Variants in GPC5 observed in about 807,000 individuals in gnomAD.
GPC5 encodes the protein glypican 5.
In GPC5, 47 loss-of-function variants were observed where a neutral mutation model predicts 53.9. The ratio of observed to expected loss-of-function variants is 0.87; its 90% CI spans 0.69 to 1.11. GPC5 has a LOEUF of 1.11. Ranked by LOEUF, GPC5 falls within the 50% of genes most tolerant of loss-of-function variation. The pLI is 0.00. For missense variants in GPC5, 748 were observed against 713.1 expected (o/e 1.05, Z -0.56); for synonymous variants, 286 against 263.3 (o/e 1.09, Z -0.84).
intron 6 of GPC5, among the ~76,000 whole-genome samples, chr13:92,082,005 TGTGA>T (rs368542072): frequency 6.6e-5 from 10 of 152,094 alleles, no homozygotes; most frequent in South Asian, 4.2e-4. Context: ...TAAGGAGGAA[TGTGA>T]GTGAGTATTT....
At chr13:92,375,432 T>C (rs941242837) in intron 7 of GPC5, among the ~76,000 whole-genome samples, 2 of 152,160 alleles carry the variant, frequency 1.3e-5, no homozygotes, top group Admixed American at 6.6e-5. Context: ...AGCCTTTCAG[T>C]AAAGAAATGC....
At chr13:92,810,724 T>A (rs1877264952) in intron 7 of GPC5, among the ~76,000 whole-genome samples, 1 of 151,940 alleles carries the variant, frequency 6.6e-6, no homozygotes, top group African/African-American at 2.4e-5. Flanking sequence ...CTAGAATTTT[T>A]ATTTATTTGT....
intron 2 of GPC5, among the ~76,000 whole-genome samples, chr13:91,487,038 G>A (rs760829012): frequency 2.0e-5 from 3 of 152,088 alleles, no homozygotes; most frequent in Non-Finnish European, 4.4e-5. Context: ...TATCCAAATC[G>A]AGCTTTGATT....
intron 2 of GPC5, among the ~76,000 whole-genome samples, chr13:91,661,424 G>T (rs2034985756): frequency 1.3e-5 from 2 of 152,238 alleles, no homozygotes; most frequent in African/African-American, 4.8e-5. Flanking sequence ...GAGTTCAGGT[G>T]CAGCCCCTCC....
intron 7 of GPC5, among the ~76,000 whole-genome samples, chr13:92,179,512 G>A (rs2042131418): frequency 6.6e-6 from 1 of 152,206 alleles, no homozygotes; most frequent in South Asian, 2.1e-4. Flanking sequence ...ACAAGAGTTT[G>A]TCAAAGTAAC....
intron 7 of GPC5, among the ~76,000 whole-genome samples, chr13:92,811,446 C>G (rs2138798904): frequency 6.6e-6 from 1 of 151,930 alleles, no homozygotes; most frequent in African/African-American, 2.4e-5. Flanking sequence ...CATTCTAGCA[C>G]CTTGACAATT....
chr13:92,745,399 C>T (rs962365836), intron 7 of GPC5, among the ~76,000 whole-genome samples: 34 of 152,184 alleles, frequency 2.2e-4, no homozygotes, highest in Admixed American at 1.6e-3. Flanking sequence ...TTTTTGAATT[C>T]CATTCCTATG....
chr13:92,598,697 A>G (rs1883953177), intron 7 of GPC5, among the ~76,000 whole-genome samples: 2 of 152,204 alleles, frequency 1.3e-5, no homozygotes, highest in Non-Finnish European at 2.9e-5. Flanking sequence ...TTAAGGGGAA[A>G]CAATTTAGAA....
chr13:91,428,394 G>A (rs2139012635), intron 1 of GPC5, among the ~76,000 whole-genome samples: 1 of 152,298 alleles, frequency 6.6e-6, no homozygotes, highest in South Asian at 2.1e-4. Context: ...ATTGGCTTAT[G>A]GGTAGGCTTG....
chr13:91,731,998 G>T (rs1346234840), intron 4 of GPC5, among the ~76,000 whole-genome samples: 1 of 152,126 alleles, frequency 6.6e-6, no homozygotes, highest in African/African-American at 2.4e-5. Context: ...AAACATACAT[G>T]TGCATGTGTC....
intron 7 of GPC5, among the ~76,000 whole-genome samples, chr13:92,693,069 A>G (rs1360053918): frequency 6.6e-6 from 1 of 152,084 alleles, no homozygotes; most frequent in African/African-American, 2.4e-5. Flanking sequence ...TCCTGCTGTC[A>G]TGTAAGACAT....
At chr13:92,236,910 T>A (rs1030788207) in intron 7 of GPC5, among the ~76,000 whole-genome samples, 1 of 152,154 alleles carries the variant, frequency 6.6e-6, no homozygotes, top group Non-Finnish European at 1.5e-5. Context: ...CTCAAATCAT[T>A]GACCTTGCAC....
chr13:92,361,095 G>C (rs76073483), intron 7 of GPC5, among the ~76,000 whole-genome samples: 12 of 151,846 alleles, frequency 7.9e-5, no homozygotes, highest in Admixed American at 1.3e-4. Flanking sequence ...AGCCATTGTC[G>C]CTGAATCTGC....
At chr13:92,760,301 C>T (rs775923967) in intron 7 of GPC5, among the ~76,000 whole-genome samples, 5 of 151,972 alleles carry the variant, frequency 3.3e-5, no homozygotes, top group Admixed American at 6.6e-5. Flanking sequence ...GGCCCTAATG[C>T]CATTTGATTT....
chr13:91,487,189 G>C lies in GPC5; in HGVS notation c.325+38267G>C, dbSNP rs570671605. 2.6e-5 allele frequency among the ~76,000 whole-genome samples: 4 copies of C among 152,242 alleles called. No homozygotes were observed. The South Asian group carries it at 6.2e-4, about 24-fold the overall frequency. ...TTAACGTGCACAAGGGGTGGAGATG[G>C]GGGGAAGTCACGGGTGTGATTACCC... On this transcript the variant is annotated intron_variant, in intron 2 of 7. Coordinates refer to ENST00000377067, the MANE Select transcript of GPC5 (RefSeq NM_004466.6).
chr13:91,600,798 A>T (rs2033157896), intron 2 of GPC5, among the ~76,000 whole-genome samples: 2 of 152,102 alleles, frequency 1.3e-5, no homozygotes, highest in African/African-American at 4.8e-5. Flanking sequence ...TGTGTCTGTT[A>T]TCTATTTCAG....
chr13:92,459,533 A>G (rs947423392), intron 7 of GPC5, among the ~76,000 whole-genome samples: 1 of 152,182 alleles, frequency 6.6e-6, no homozygotes, highest in African/African-American at 2.4e-5. Flanking sequence ...AAATATGACA[A>G]ATTTTCCCCT....
chr13:91,551,528 GTA>G (rs2030637455), intron 2 of GPC5, among the ~76,000 whole-genome samples: 1 of 152,124 alleles, frequency 6.6e-6, no homozygotes, highest in South Asian at 2.1e-4. Flanking sequence ...GAATTCCATG[GTA>G]TGTCAGGGAT....
chr13:92,818,832 A>C (rs191172113), intron 7 of GPC5, among the ~76,000 whole-genome samples: 3 of 152,086 alleles, frequency 2.0e-5, no homozygotes, highest in Admixed American at 2.0e-4. Flanking sequence ...AAAAGGAAAG[A>C]TTGATTTAAA....
Sources: gnomAD v4.1 joint callset for allele counts (sites outside exome capture counted in the v4.1 genomes callset) on GRCh38, gnomAD v4.1.1 for gene constraint, MANE v1.5 for transcripts, NCBI Gene and HGNC (gene_info 2026-07-23, HGNC 2026-07-21) for gene names.